Variants in CCDC38 observed in about 807,000 individuals in gnomAD.
CCDC38 encodes coiled-coil domain-containing protein 38.
Under a neutral mutation model 72.8 loss-of-function variants are expected in CCDC38, and 69 were observed. The ratio of observed to expected loss-of-function variants is 0.95; its 90% CI spans 0.78 to 1.16. The LOEUF is 1.16. CCDC38 is among the 50% of genes most tolerant of loss of function. The pLI is 0.00. For synonymous variants in CCDC38, 201 were observed against 213.2 expected, an observed-to-expected ratio of 0.94 and a Z score of 0.50; for missense variants, 626 against 638.9, an observed-to-expected ratio of 0.98 and a Z score of 0.22.
chr12:95,897,233 C>T (rs1253417980), intron 7 of CCDC38, among the ~76,000 whole-genome samples: 15 of 152,134 alleles, frequency 9.9e-5, no homozygotes, highest in Admixed American at 9.8e-4. Flanking sequence ...TTAGCATTGA[C>T]CTGATACCAA....
intron 14 of CCDC38, 148 bp downstream of exon 14, chr12:95,872,107 T>C (rs542656093): frequency 3.0e-6 from 2 of 675,066 alleles, no homozygotes; most frequent in East Asian, 2.5e-5. Flanking sequence ...TGCTAAATAA[T>C]AGCTATATGA....
In CCDC38 at chr12:95,936,378, T is replaced by C. The variant is rs1024182285; in HGVS notation, c.37+95A>G. On this transcript the variant is annotated intron_variant, in intron 2 of 15. Coordinates refer to ENST00000344280, the MANE Select transcript of CCDC38 (RefSeq NM_182496.3). ...ATAAACTCATTACATTTTATATTTATGGTGTAACATTCTCCTTTTCTTATG... is the reference window on the plus strand; with the variant it reads ...ATAAACTCATTACATTTTATATTTACGGTGTAACATTCTCCTTTTCTTATG... 4.7e-6 allele frequency: 5 copies of C among 1,071,886 alleles called. No homozygotes were observed. The African/African-American group carries it at 4.8e-5, about 10-fold the overall frequency. The allele number at this position is 1,071,886 out of a possible 1,614,324, so 66.4% of individuals were successfully genotyped here.
chr12:95,894,457 G>T (rs1021835559), intron 8 of CCDC38, among the ~76,000 whole-genome samples: 3 of 152,180 alleles, frequency 2.0e-5, no homozygotes, highest in Non-Finnish European at 4.4e-5. Flanking sequence ...CAATGTCAGA[G>T]GTGGGGCTTA....
At chr12:95,880,377 C>T (rs181604847) in intron 11 of CCDC38, among the ~76,000 whole-genome samples, 236 of 152,174 alleles carry the variant, frequency 1.6e-3, no homozygotes, top group Middle Eastern at 3.4e-3. Context: ...AGAAATTGAC[C>T]GGGTGCGGTG....
intron 7 of CCDC38, among the ~76,000 whole-genome samples, 190 bp downstream of exon 7, chr12:95,898,195 G>A (rs140796910): frequency 6.6e-6 from 1 of 152,358 alleles, no homozygotes; most frequent in East Asian, 1.9e-4. Flanking sequence ...CCAACCGGAA[G>A]CCACATACTG....
chr12:95,900,392 C>A (rs1327663721), intron 5 of CCDC38, among the ~76,000 whole-genome samples: 1 of 152,128 alleles, frequency 6.6e-6, no homozygotes, highest in South Asian at 2.1e-4. Flanking sequence ...ACCTTGTTAT[C>A]GTCTTTATTC....
chr12:95,926,451 G>T (rs1339297655), intron 2 of CCDC38, among the ~76,000 whole-genome samples: 2 of 151,326 alleles, frequency 1.3e-5, no homozygotes, highest in African/African-American at 2.4e-5. Flanking sequence ...TATTAGTCTT[G>T]CTAGCGGTCT....
rs1191089221 is a variant in CCDC38, at chr12:95,878,250, G to A, written c.1239C>T (p.Ser413=). 6 of 1,613,548 alleles carry A rather than the reference G, an allele frequency of 3.7e-6. No homozygotes were observed. The highest frequency in any genetic ancestry group is 5.1e-6 in the Non-Finnish European group (6 of 1,179,806). Residue 413 remains serine, a synonymous_variant, in exon 13 of 16, where the codon TCC becomes TCT. Coordinates refer to ENST00000344280, the MANE Select transcript of CCDC38 (RefSeq NM_182496.3). The part of the protein sequence containing the change: ...EEKAAELQLK[S]KLFSFGEFNS... ...TAAATTCTCCAAAGCTAAAGAGCTTGGACTTTAATTGCAATTCTGCTGCTT... is the reference window on the plus strand; with the variant it reads ...TAAATTCTCCAAAGCTAAAGAGCTTAGACTTTAATTGCAATTCTGCTGCTT...
intron 2 of CCDC38, among the ~76,000 whole-genome samples, chr12:95,935,728 G>A (rs1250351368): frequency 6.6e-6 from 1 of 152,162 alleles, no homozygotes; most frequent in Non-Finnish European, 1.5e-5. Context: ...AGATTTGTAA[G>A]AGAAAATTGT....
At chr12:95,911,246 A>T (rs2080091310) in intron 4 of CCDC38, among the ~76,000 whole-genome samples, 1 of 152,186 alleles carries the variant, frequency 6.6e-6, no homozygotes, top group Non-Finnish European at 1.5e-5. Flanking sequence ...CTCAAGAGGG[A>T]TTCAAGATTT....
At chr12:95,919,769 C>CACT in intron 2 of CCDC38, 1 of 379,742 alleles carries the variant, frequency 2.6e-6, no homozygotes, top group Non-Finnish European at 5.3e-6. Flanking sequence ...CAGATACAGC[C>CACT]ACTACCCTTA....
intron 15 of CCDC38, 96 bp downstream of exon 15, chr12:95,869,384 A>C (rs570661870): frequency 1.2e-6 from 1 of 868,036 alleles, no homozygotes; most frequent in Admixed American, 2.5e-5. Flanking sequence ...TATCTTTCTG[A>C]AGTTCAACCT....
At chr12:95,868,749 AC>A (rs1341149425) in intron 15 of CCDC38, among the ~76,000 whole-genome samples, 1 of 151,040 alleles carries the variant, frequency 6.6e-6, no homozygotes, top group Admixed American at 6.6e-5. Context: ...CAAACTCCTT[AC>A]CCTGTGTAGA....
At chr12:95,892,306 A>T (rs1592768632) in intron 8 of CCDC38, among the ~76,000 whole-genome samples, 1 of 76,598 alleles carries the variant, frequency 1.3e-5, no homozygotes, top group Admixed American at 1.4e-4. Flanking sequence ...TTTTTTGGAG[A>T]CAGGGTCTCG....
At chr12:95,928,894 G>A (rs950717544) in intron 2 of CCDC38, among the ~76,000 whole-genome samples, 26 of 152,318 alleles carry the variant, frequency 1.7e-4, no homozygotes, top group South Asian at 4.1e-4. Flanking sequence ...CAGTCTGCCC[G>A]TTCTCAGATC....
chr12:95,875,540 C>T (rs528300231), intron 13 of CCDC38, among the ~76,000 whole-genome samples: 110 of 151,926 alleles, frequency 7.2e-4, no homozygotes, highest in Non-Finnish European at 1.4e-3. Context: ...ACCTCAATAA[C>T]GCTGGAAAAG....
intron 5 of CCDC38, among the ~76,000 whole-genome samples, chr12:95,900,483 T>G (rs986502838): frequency 6.6e-6 from 1 of 152,212 alleles, no homozygotes; most frequent in African/African-American, 2.4e-5. Context: ...GATCAAAGAC[T>G]TCTAAAAAAA....
In CCDC38 at chr12:95,891,264, G is replaced by A. The variant is rs572585723; in HGVS notation, c.773-334C>T. Among the ~76,000 whole-genome samples the A allele has an allele frequency of 7.2e-5, 11 of 152,288 alleles. No homozygotes were observed. In the South Asian group the frequency reaches 2.3e-3, roughly 32 times the overall value. On this transcript the variant is annotated intron_variant, in intron 8 of 15. Coordinates refer to ENST00000344280, the MANE Select transcript of CCDC38 (RefSeq NM_182496.3). ...GTAACTCCTTAAATCCCAAATGTTA[G>A]CTTTCAAGCCTCTGGACTGACAGAC...
At chr12:95,883,014 A>G (rs961965830) in intron 10 of CCDC38, among the ~76,000 whole-genome samples, 1 of 152,166 alleles carries the variant, frequency 6.6e-6, no homozygotes, top group Non-Finnish European at 1.5e-5. Context: ...TCTGGGCGTT[A>G]TCTGTAACCA....
Sources: allele counts gnomAD v4.1 joint callset (sites outside exome capture counted in the v4.1 genomes callset), GRCh38; gene constraint gnomAD v4.1.1; transcripts MANE v1.5; gene names NCBI Gene and HGNC (gene_info 2026-07-23, HGNC 2026-07-21).